METTL15: variants seen among roughly 807,000 people sequenced by gnomAD.
METTL15 encodes the protein methyltransferase 15, mitochondrial 12S rRNA N4-cytidine.
In METTL15, 34 loss-of-function variants were observed where a neutral mutation model predicts 38.3. That is an observed-to-expected ratio of 0.89 (90% confidence interval 0.68 to 1.18). METTL15 has a LOEUF of 1.18. Among genes scored for constraint, METTL15 ranks in the 50% most tolerant of loss-of-function variants. The pLI is 0.00. For missense variants in METTL15, 438 were observed against 498.4 expected (o/e 0.88, Z 1.15); for synonymous variants, 162 against 170.9 (o/e 0.95, Z 0.41).
At chr11:28,293,232 A>G (rs928830805) in intron 5 of METTL15, among the ~76,000 whole-genome samples, 7 of 152,194 alleles carry the variant, frequency 4.6e-5, no homozygotes, top group South Asian at 2.1e-4. Context: ...TAATTTTTGT[A>G]TAAGATGTAA....
chr11:28,374,447 C>G (rs200370809), intron 5 of METTL15, among the ~76,000 whole-genome samples: 58,124 of 143,576 alleles, frequency 0.4, 13,175 homozygotes, highest in Admixed American at 0.51. Context: ...GGAGTTCACT[C>G]ATGATTTCGC....
At chr11:28,473,022 A>G (rs1441469213) in intron 6 of METTL15, among the ~76,000 whole-genome samples, 1 of 152,154 alleles carries the variant, frequency 6.6e-6, no homozygotes, top group Non-Finnish European at 1.5e-5. Flanking sequence ...AGAGGAATAA[A>G]TGGATAAAGG....
chr11:28,214,860 CTA>C (rs1331314185), intron 4 of METTL15, among the ~76,000 whole-genome samples: 1 of 152,114 alleles, frequency 6.6e-6, no homozygotes, highest in Non-Finnish European at 1.5e-5. Flanking sequence ...ATTTAAAACT[CTA>C]TTCAGAATAG....
At chr11:28,462,133 T>A (rs1851221316) in intron 6 of METTL15, among the ~76,000 whole-genome samples, 1 of 152,092 alleles carries the variant, frequency 6.6e-6, no homozygotes, top group South Asian at 2.1e-4. Context: ...AAGACAAGGA[T>A]GCTTAATTGT....
intron 3 of METTL15, among the ~76,000 whole-genome samples, chr11:28,119,149 TA>T (rs1852100201): frequency 6.6e-6 from 1 of 152,220 alleles, no homozygotes; most frequent in African/African-American, 2.4e-5. Context: ...CCCAATTATA[TA>T]TCATGTACTT....
intron 4 of METTL15, among the ~76,000 whole-genome samples, chr11:28,244,120 A>C: frequency 6.6e-6 from 1 of 152,178 alleles, no homozygotes; most frequent in Admixed American, 6.6e-5. Flanking sequence ...AAAACAAAAA[A>C]CCAAGAACAT....
intron 6 of METTL15, among the ~76,000 whole-genome samples, chr11:28,304,312 C>T (rs929212730): frequency 6.6e-6 from 1 of 152,158 alleles, no homozygotes; most frequent in Non-Finnish European, 1.5e-5. Flanking sequence ...TAAGGTATAT[C>T]TTTCCACAGT....
chr11:28,115,935 TACACACAC>T (rs112533269), intron 3 of METTL15, among the ~76,000 whole-genome samples: 5 of 142,456 alleles, frequency 3.5e-5, no homozygotes, highest in Non-Finnish European at 6.2e-5. Context: ...CACATACACA[TACACACAC>T]ACACACACAC....
At chr11:28,304,317 C>T (rs967480380) in intron 6 of METTL15, among the ~76,000 whole-genome samples, 16 of 152,112 alleles carry the variant, frequency 1.1e-4, no homozygotes, top group Non-Finnish European at 2.2e-4. Flanking sequence ...TATATCTTTC[C>T]ACAGTGGCAT....
intron 3 of METTL15, among the ~76,000 whole-genome samples, chr11:28,196,125 G>C (rs185430089): frequency 7.1e-4 from 108 of 152,048 alleles, no homozygotes; most frequent in African/African-American, 2.3e-3. Context: ...AATTGAAATT[G>C]AAGTAATGTG....
intron 6 of METTL15, among the ~76,000 whole-genome samples, chr11:28,306,326 A>G (rs917706977): frequency 6.6e-6 from 1 of 152,088 alleles, no homozygotes; most frequent in African/African-American, 2.4e-5. Context: ...TTGTGAAGAT[A>G]TATATGACTA....
chr11:28,444,136 A>G (rs1265955934), intron 6 of METTL15, among the ~76,000 whole-genome samples: 1 of 152,116 alleles, frequency 6.6e-6, no homozygotes, highest in Non-Finnish European at 1.5e-5. Flanking sequence ...AATTTTAACT[A>G]TTGTTAATAA....
intron 5 of METTL15, among the ~76,000 whole-genome samples, chr11:28,387,109 A>G (rs1048018597): frequency 6.6e-5 from 10 of 152,030 alleles, no homozygotes; most frequent in Non-Finnish European, 2.9e-5. Context: ...TAAAAGGAGA[A>G]GGATCTTAAA....
chr11:28,398,334 ATC>A (rs910783719), intron 5 of METTL15, among the ~76,000 whole-genome samples: 24 of 152,256 alleles, frequency 1.6e-4, no homozygotes, highest in Non-Finnish European at 3.4e-4. Flanking sequence ...CCTCTTCAGC[ATC>A]TGTTGTTTCC....
At chr11:28,292,814 GATGA>G (rs1856572563) in intron 5 of METTL15, among the ~76,000 whole-genome samples, 1 of 152,204 alleles carries the variant, frequency 6.6e-6, no homozygotes, top group African/African-American at 2.4e-5. Context: ...GGCTAGTGAT[GATGA>G]GCATTTTTTC....
chr11:28,458,218 C>T (rs781159316), intron 6 of METTL15, among the ~76,000 whole-genome samples: 3 of 152,158 alleles, frequency 2.0e-5, no homozygotes, highest in Admixed American at 6.5e-5. Context: ...CTTCAGTTTT[C>T]TGTAGTATTC....
intron 3 of METTL15, among the ~76,000 whole-genome samples, chr11:28,202,780 A>T (rs1466475447): frequency 6.6e-6 from 1 of 152,176 alleles, no homozygotes; most frequent in East Asian, 1.9e-4. Flanking sequence ...TTTTAAAGTG[A>T]AGTCAGGCCA....
rs1851745105 is a variant in METTL15, at chr11:28,112,128, T to G, written c.-17-1190T>G. Among the ~76,000 whole-genome samples, 3 of 152,204 alleles carry G rather than the reference T, an allele frequency of 2.0e-5. No homozygotes were observed. The South Asian group carries it at 6.2e-4, about 31-fold the overall frequency. On this transcript the variant is annotated intron_variant, in intron 2 of 6. Coordinates refer to ENST00000407364, the MANE Select transcript of METTL15 (RefSeq NM_001113528.2). The stretch of plus-strand genomic sequence containing the variant: ...TGATCAGCTTTTCAACGTTTTTAAT[T>G]TTTTTTATTGCAAAAGGAAAGACAG...
At chr11:28,515,140 G>A (rs1851708751) in intron 6 of METTL15, among the ~76,000 whole-genome samples, 1 of 152,158 alleles carries the variant, frequency 6.6e-6, no homozygotes, top group African/African-American at 2.4e-5. Flanking sequence ...AGCAGCAAAG[G>A]AGGAAAAGCA....
Sources: gnomAD v4.1 joint callset for allele counts (sites outside exome capture counted in the v4.1 genomes callset) on GRCh38, gnomAD v4.1.1 for gene constraint, MANE v1.5 for transcripts, NCBI Gene and HGNC (gene_info 2026-07-23, HGNC 2026-07-21) for gene names.